Variants in PDZRN4 observed in about 807,000 individuals in gnomAD.
PDZRN4 encodes PDZ domain-containing RING finger protein 4.
A neutral mutation model predicts 99.0 loss-of-function variants in PDZRN4; 70 were observed. The ratio of observed to expected loss-of-function variants is 0.71; its 90% CI spans 0.58 to 0.86. The LOEUF (loss-of-function observed/expected upper bound fraction) is 0.86. Ranked by LOEUF, PDZRN4 falls within the 40% of genes least tolerant of loss-of-function variation. The pLI is 0.00. For missense variants in PDZRN4, 1,474 were observed against 1,331.2 expected (o/e 1.11, Z -1.67); for synonymous variants, 551 against 501.6 (o/e 1.10, Z -1.32).
chr12:41,558,118 T>A (rs1228266301), intron 7 of PDZRN4, among the ~76,000 whole-genome samples: 1 of 152,212 alleles, frequency 6.6e-6, no homozygotes, highest in Non-Finnish European at 1.5e-5. Flanking sequence ...ATTTTTTAAA[T>A]TTTGAAATAA....
intron 3 of PDZRN4, among the ~76,000 whole-genome samples, chr12:41,386,186 T>A (rs12370984): frequency 0.37 from 55,945 of 152,048 alleles, 10,787 homozygotes; most frequent in South Asian, 0.49. Context: ...GAGCCATCTA[T>A]GACAAACCCA....
chr12:41,251,792 T>C (rs1255303090), intron 3 of PDZRN4, among the ~76,000 whole-genome samples: 1 of 152,108 alleles, frequency 6.6e-6, no homozygotes, highest in Non-Finnish European at 1.5e-5. Flanking sequence ...AACAAAAATT[T>C]ACACAACAAA....
chr12:41,295,107 A>G (rs541541129), intron 3 of PDZRN4, among the ~76,000 whole-genome samples: 63 of 152,314 alleles, frequency 4.1e-4, no homozygotes, highest in African/African-American at 1.5e-3. Flanking sequence ...CTGGAATTCC[A>G]TACCCAGTCA....
At chr12:41,345,261 G>A (rs917120716) in intron 3 of PDZRN4, among the ~76,000 whole-genome samples, 2 of 152,140 alleles carry the variant, frequency 1.3e-5, no homozygotes, top group Non-Finnish European at 2.9e-5. Flanking sequence ...TTAATGCACG[G>A]CACAGACGCG....
intron 3 of PDZRN4, among the ~76,000 whole-genome samples, chr12:41,311,532 G>T (rs1951606539): frequency 6.6e-6 from 1 of 152,102 alleles, no homozygotes; most frequent in Non-Finnish European, 1.5e-5. Context: ...ATTCAATAAT[G>T]TTAAGACTGA....
At chr12:41,283,955 A>G (rs112737392) in intron 3 of PDZRN4, among the ~76,000 whole-genome samples, 1 of 152,216 alleles carries the variant, frequency 6.6e-6, no homozygotes, top group East Asian at 1.9e-4. Flanking sequence ...GGCACAAGAC[A>G]AGGATGCCCT....
At chr12:41,436,538 T>C (rs1053665733) in intron 3 of PDZRN4, among the ~76,000 whole-genome samples, 3 of 152,176 alleles carry the variant, frequency 2.0e-5, no homozygotes, top group Non-Finnish European at 4.4e-5. Flanking sequence ...CAAGTAATTA[T>C]TTTTGCTTTG....
intron 3 of PDZRN4, among the ~76,000 whole-genome samples, chr12:41,237,900 G>A (rs6582281): frequency 0.67 from 102,305 of 152,008 alleles, 34,566 homozygotes; most frequent in South Asian, 0.73. Context: ...GTTGGGTAGC[G>A]TGATGCCTCC....
In PDZRN4 at chr12:41,418,426, G is replaced by A. The variant is rs1237589217; in HGVS notation, c.844-88030G>A. Reference sequence around the variant, plus strand: ...TTCCAGTTTACATCAAAACAAGGAAGTAATAGGAGGTAGTACCTACAGATA... The same window carrying A: ...TTCCAGTTTACATCAAAACAAGGAAATAATAGGAGGTAGTACCTACAGATA... On this transcript the variant is annotated intron_variant, in intron 3 of 9. Coordinates refer to ENST00000402685, the MANE Select transcript of PDZRN4 (RefSeq NM_001164595.2). Among the ~76,000 whole-genome samples, 3 of 152,264 alleles carry A rather than the reference G, an allele frequency of 2.0e-5. No homozygotes were observed. The East Asian group carries it at 5.8e-4, about 29-fold the overall frequency.
chr12:41,234,416 C>T (rs562153197), intron 3 of PDZRN4, among the ~76,000 whole-genome samples: 1 of 152,098 alleles, frequency 6.6e-6, no homozygotes, highest in East Asian at 1.9e-4. Flanking sequence ...AATCTAGAAC[C>T]TAGGCTGAGG....
At chr12:41,275,626 C>T (rs1418486018) in intron 3 of PDZRN4, among the ~76,000 whole-genome samples, 1 of 151,860 alleles carries the variant, frequency 6.6e-6, no homozygotes, top group East Asian at 1.9e-4. Context: ...TTATTTATCT[C>T]CCTTAAAATT....
intron 3 of PDZRN4, among the ~76,000 whole-genome samples, chr12:41,477,659 T>C (rs568140265): frequency 6.6e-6 from 1 of 152,260 alleles, no homozygotes; most frequent in South Asian, 2.1e-4. Flanking sequence ...TTTAGTATGG[T>C]TTCAAAACTG....
At chr12:41,541,510 G>A (rs1389081442) in intron 5 of PDZRN4, among the ~76,000 whole-genome samples, 2 of 150,318 alleles carry the variant, frequency 1.3e-5, no homozygotes, top group Admixed American at 6.7e-5. Flanking sequence ...GTGGAGTGCA[G>A]TGGCTCAATT....
Position 41,572,734 on chromosome 12 carries a change from T to C in PDZRN4, c.1955T>C (p.Ile652Thr), listed in dbSNP as rs144067916. The C allele has an allele frequency of 2.7e-4, 439 of 1,614,098 alleles. 2 individuals are homozygous for C. In the African/African-American group the frequency reaches 4.8e-3, roughly 18 times the overall value. Reference protein sequence around the residue: ...EYDLYYSSSTIECNQGEQEGV... With the variant: ...EYDLYYSSSTTECNQGEQEGV... ...GACCTGTATTACTCAAGCAGCACAA[T>C]TGAATGCAATCAAGGGGAGCAAGAG... The change falls in exon 10 of 10, where the codon ATT becomes ACT. Residue 652 changes from isoleucine to threonine, a missense_variant. Transcript: ENST00000402685.
Position 41,338,924 on chromosome 12 carries a change from A to G in PDZRN4, c.843+144736A>G, listed in dbSNP as rs1190377419. On this transcript the variant is annotated intron_variant, in intron 3 of 9. Coordinates refer to ENST00000402685, the MANE Select transcript of PDZRN4 (RefSeq NM_001164595.2). The stretch of plus-strand genomic sequence containing the variant: ...ACTAAAACAATGTAAGAAATCAAAG[A>G]AGGAACAAAAAAATGGAAAGACATT... Among the ~76,000 whole-genome samples, 2 of 152,048 alleles carry G rather than the reference A, an allele frequency of 1.3e-5. 1 individual carries two copies. The highest frequency in any genetic ancestry group is 1.3e-4 in the Admixed American group (2 of 15,244).
chr12:41,496,922 T>C (rs1938015500), intron 3 of PDZRN4, among the ~76,000 whole-genome samples: 1 of 152,158 alleles, frequency 6.6e-6, no homozygotes, highest in Non-Finnish European at 1.5e-5. Flanking sequence ...TGAAGCCTTA[T>C]GTTGCTCTCA....
intron 3 of PDZRN4, among the ~76,000 whole-genome samples, chr12:41,310,185 G>A (rs1288327241): frequency 6.6e-6 from 1 of 152,022 alleles, no homozygotes; most frequent in Admixed American, 6.6e-5. Flanking sequence ...CACCCGCCTT[G>A]GCCTCCCAAA....
At chr12:41,234,697 CT>C (rs1231981517) in intron 3 of PDZRN4, among the ~76,000 whole-genome samples, 1 of 152,040 alleles carries the variant, frequency 6.6e-6, no homozygotes, top group Non-Finnish European at 1.5e-5. Context: ...ACAACGTTTT[CT>C]TTTCTCAGTT....
intron 5 of PDZRN4, among the ~76,000 whole-genome samples, chr12:41,528,645 C>T (rs1215457903): frequency 2.0e-5 from 3 of 152,266 alleles, no homozygotes; most frequent in South Asian, 2.1e-4. Flanking sequence ...AGCTCCAGAC[C>T]ATCCTGCCTC....
Sources: allele counts gnomAD v4.1 joint callset (sites outside exome capture counted in the v4.1 genomes callset), GRCh38; gene constraint gnomAD v4.1.1; transcripts MANE v1.5; gene names NCBI Gene and HGNC (gene_info 2026-07-23, HGNC 2026-07-21).